Variants in VPS13B observed in about 807,000 individuals in gnomAD.
The protein encoded by VPS13B is intermembrane lipid transfer protein VPS13B.
Under a neutral mutation model 426.4 loss-of-function variants are expected in VPS13B, and 285 were observed. The ratio of observed to expected loss-of-function variants is 0.67; its 90% CI spans 0.61 to 0.74. The LOEUF (loss-of-function observed/expected upper bound fraction) is 0.74. Among genes scored for constraint, VPS13B ranks in the 30% least tolerant of loss-of-function variants. The pLI is 0.00. For synonymous variants in VPS13B, 1,676 were observed against 1,676.4 expected, an observed-to-expected ratio of 1.00 and a Z score of 0.01; for missense variants, 4,537 against 4,782.6, an observed-to-expected ratio of 0.95 and a Z score of 1.51.
At chr8:99,768,455 A>G (rs1811335044) in intron 40 of VPS13B, among the ~76,000 whole-genome samples, 1 of 152,198 alleles carries the variant, frequency 6.6e-6, no homozygotes, top group Admixed American at 6.5e-5. Flanking sequence ...ATTATTGTGA[A>G]TACTTTTTCT....
At chr8:99,257,284 G>A (rs1279459231) in intron 17 of VPS13B, among the ~76,000 whole-genome samples, 2 of 152,098 alleles carry the variant, frequency 1.3e-5, no homozygotes, top group Non-Finnish European at 2.9e-5. Context: ...TGAATTGAAG[G>A]GCTCTGATTG....
chr8:99,845,039 C>G (rs1406969794), intron 54 of VPS13B, among the ~76,000 whole-genome samples: 1 of 152,174 alleles, frequency 6.6e-6, no homozygotes, highest in Non-Finnish European at 1.5e-5. Flanking sequence ...TCTCAAGCAA[C>G]AGTTTTACTG....
chr8:99,412,517 C>G (rs1008149791), intron 21 of VPS13B, among the ~76,000 whole-genome samples: 2 of 152,180 alleles, frequency 1.3e-5, no homozygotes, highest in African/African-American at 4.8e-5. Context: ...CATCTGCAAA[C>G]AGAGACAATT....
chr8:99,618,624 T>G (rs1385557320), intron 33 of VPS13B, among the ~76,000 whole-genome samples: 7 of 152,182 alleles, frequency 4.6e-5, no homozygotes, highest in African/African-American at 1.7e-4. Context: ...GTGAGCAACC[T>G]CAGAAAACTG....
intron 37 of VPS13B, 58 bp from the exon 38 acceptor site, chr8:99,720,287 T>G: frequency 7.5e-7 from 1 of 1,334,222 alleles, no homozygotes; most frequent in Non-Finnish European, 1.1e-6. Context: ...TTATACCTAA[T>G]TAGTCTCAAG....
At chr8:99,689,273 G>C (rs1242868286) in intron 35 of VPS13B, among the ~76,000 whole-genome samples, 1 of 150,738 alleles carries the variant, frequency 6.6e-6, no homozygotes, top group Non-Finnish European at 1.5e-5. Context: ...TCAGCATTCA[G>C]TTAGTACTTC....
At chr8:99,159,049 C>G (rs1337393308) in intron 15 of VPS13B, among the ~76,000 whole-genome samples, 2 of 152,160 alleles carry the variant, frequency 1.3e-5, no homozygotes, top group Admixed American at 1.3e-4. Context: ...AGAAGGAGGT[C>G]AATCTATTTA....
intron 21 of VPS13B, among the ~76,000 whole-genome samples, chr8:99,403,107 C>T (rs558864249): frequency 2.6e-5 from 4 of 152,326 alleles, no homozygotes; most frequent in South Asian, 2.1e-4. Flanking sequence ...ATCTTTTCTT[C>T]GGAATGACTT....
intron 54 of VPS13B, among the ~76,000 whole-genome samples, chr8:99,846,654 CA>C (rs1263584264): frequency 6.6e-6 from 1 of 152,152 alleles, no homozygotes; most frequent in Admixed American, 6.5e-5. Flanking sequence ...GGACAACAAG[CA>C]AAAATTTCCC....
At chr8:99,268,840 C>A (rs900647202) in intron 17 of VPS13B, among the ~76,000 whole-genome samples, 1 of 152,070 alleles carries the variant, frequency 6.6e-6, no homozygotes, top group Non-Finnish European at 1.5e-5. Context: ...TGTGTCTCCA[C>A]CCAAATCTCA....
chr8:99,239,292 G>T (rs1816794734), intron 17 of VPS13B, among the ~76,000 whole-genome samples: 6 of 152,084 alleles, frequency 3.9e-5, no homozygotes, highest in Admixed American at 3.9e-4. Context: ...GTAATCTTAA[G>T]TACATTGAAT....
chr8:99,690,543 A>T (rs1409067722), intron 35 of VPS13B, among the ~76,000 whole-genome samples: 1 of 152,150 alleles, frequency 6.6e-6, no homozygotes, highest in East Asian at 1.9e-4. Context: ...CTGATACAAT[A>T]TTTGCAAAGT....
intron 33 of VPS13B, among the ~76,000 whole-genome samples, chr8:99,587,350 G>C (rs1373584266): frequency 1.3e-5 from 2 of 151,980 alleles, no homozygotes; most frequent in Non-Finnish European, 2.9e-5. Flanking sequence ...TAATGGGATG[G>C]CTGGGTCAAA....
At chr8:99,117,903 A>G (rs931320578) in intron 7 of VPS13B, among the ~76,000 whole-genome samples, 2 of 152,180 alleles carry the variant, frequency 1.3e-5, no homozygotes, top group Non-Finnish European at 2.9e-5. Context: ...ACTGAATTGT[A>G]CACCTTTAAA....
intron 43 of VPS13B, chr8:99,796,716 C>G (rs1039390669): frequency 3.3e-5 from 5 of 152,272 alleles, no homozygotes; most frequent in African/African-American, 1.2e-4. Flanking sequence ...ACTTAGGAGG[C>G]TGAAGTCAGC....
At chr8:99,645,859 C>G (rs923910116) in intron 34 of VPS13B, among the ~76,000 whole-genome samples, 1 of 152,180 alleles carries the variant, frequency 6.6e-6, no homozygotes, top group Non-Finnish European at 1.5e-5. Flanking sequence ...TATCCAGAAA[C>G]ACTTTATGTA....
chr8:99,136,274 T>G (rs944807022), intron 11 of VPS13B, among the ~76,000 whole-genome samples: 1 of 152,128 alleles, frequency 6.6e-6, no homozygotes, highest in Non-Finnish European at 1.5e-5. Context: ...ATTTAGAATA[T>G]TTCAGTATAT....
At chr8:99,662,460 ATTTT>A (rs1830272841) in intron 35 of VPS13B, among the ~76,000 whole-genome samples, 1 of 143,350 alleles carries the variant, frequency 7.0e-6, no homozygotes, top group Admixed American at 7.5e-5. Context: ...TTATTTATTT[ATTTT>A]TTGAGACCAT....
intron 39 of VPS13B, among the ~76,000 whole-genome samples, chr8:99,736,807 C>T (rs3133034): frequency 1 from 152,213 of 152,214 alleles, 76,106 homozygotes; most frequent in Middle Eastern, 1. Context: ...TCAGACATTA[C>T]GCTGAGAGCT....
Sources: allele counts gnomAD v4.1 joint callset (sites outside exome capture counted in the v4.1 genomes callset), GRCh38; gene constraint gnomAD v4.1.1; transcripts MANE v1.5; gene names NCBI Gene and HGNC (gene_info 2026-07-23, HGNC 2026-07-21).